The following SLU7 variants were observed in gnomAD, a reference collection of about 807,000 sequenced individuals.
SLU7 encodes the protein pre-mRNA-splicing factor SLU7.
SLU7 carries 60 observed loss-of-function variants against 87.0 expected under a neutral mutation model. The observed-to-expected ratio is 0.69, with a 90% CI of 0.56 to 0.86. The LOEUF is 0.86. SLU7 is among the 40% of genes least tolerant of loss of function. SLU7 has a pLI of 0.00. For synonymous variants in SLU7, 197 were observed against 222.0 expected (o/e 0.89, Z 1.00); for missense variants, 507 against 686.6 (o/e 0.74, Z 2.92).
intron 12 of SLU7, 50 bp downstream of exon 12, chr5:160,406,418 T>C: frequency 6.8e-7 from 1 of 1,461,106 alleles, no homozygotes; most frequent in Non-Finnish European, 9.2e-7. Context: ...AAAAATGCAA[T>C]ACAGAGCAAA....
At position 160,415,168 on chromosome 5, in the gene SLU7, G is replaced by A. The variant is rs776805730; in HGVS notation, c.127C>T (p.Arg43Ter). The A allele has an allele frequency of 5.0e-6, 8 of 1,609,728 alleles. No homozygotes were observed. The highest frequency in any genetic ancestry group is 6.8e-6 in the Non-Finnish European group (8 of 1,178,248). The change falls in exon 2 of 16, where the codon CGA (arginine) becomes TGA (stop). Residue 43 changes from arginine (R) to a stop codon, truncating the protein, a stop_gained. Transcript: ENST00000297151. LOFTEE classifies it high-confidence loss of function. ...WRKKKELEEQ[R>*]KLGNAPAEVD... is the part of the protein sequence containing the mutation. ...TCTGCAGGAGCATTGCCCAATTTTC[G>A]CTGTTCTTCTAGCTCCTTCTTCTTT...
rs1168968470 is a variant in SLU7 at position 160,403,058 on chromosome 5, T to G, written c.*227A>C. 1 of 349,308 alleles carries G rather than the reference T, an allele frequency of 2.9e-6. No individual in the cohort carries two copies. Among genetic ancestry groups the G allele is most frequent in the African/African-American group, 2.1e-5 (1 of 47,558 alleles). 21.6% of individuals were successfully genotyped at this position (349,308 alleles called of 1,614,324 possible). A position where few individuals can be genotyped will look rare whatever the true frequency, so the allele number is the denominator to read the frequency against. On this transcript the variant is annotated 3_prime_UTR_variant, in exon 16 of 16. Transcript: ENST00000297151. ...ATAAAAAAAACTGGAAATAAAATCT[T>G]AATCCAATTTTAAATTCTATTCCCA...
intron 6 of SLU7, among the ~76,000 whole-genome samples, chr5:160,410,064 C>A (rs186510487): frequency 7.7e-4 from 117 of 152,134 alleles, no homozygotes; most frequent in Admixed American, 7.5e-3. Flanking sequence ...TCCCACTGTA[C>A]TCTATGTTGT....
At chr5:160,414,504 AGG>A in intron 2 of SLU7, 32 bp from the exon 3 acceptor site, 2 of 1,427,520 alleles carry the variant, frequency 1.4e-6, no homozygotes, top group Non-Finnish European at 1.9e-6. Flanking sequence ...AAAAAATTTA[AGG>A]ATAAAATTGG....
intron 6 of SLU7, among the ~76,000 whole-genome samples, chr5:160,411,010 C>T (rs1355373574): frequency 6.6e-6 from 1 of 151,654 alleles, no homozygotes; most frequent in Non-Finnish European, 1.5e-5. Flanking sequence ...GGACTACAGG[C>T]GCCCGCCACC....
At position 160,412,494 on chromosome 5, in the gene SLU7, T is replaced by C; in HGVS notation, c.596A>G (p.Lys199Arg). Residue 199 changes from lysine (K) to arginine (R), a missense_variant, in exon 6 of 16, where the codon AAA (lysine) becomes AGA (arginine). Lys to Arg is a conservative substitution (Grantham distance 26, BLOSUM62 2). Coordinates refer to ENST00000297151, the MANE Select transcript of SLU7 (RefSeq NM_006425.5). ...DLAKRTLKAQ[K>R]LQEELASGKL... is the part of the protein sequence containing the mutation. ...TCCTGAGGCTAATTCCTCTTGGAGT[T>C]TCTGGGCTTTCAATGTTCGTTTTGC... 1 of 1,511,974 alleles carries C rather than the reference T, an allele frequency of 6.6e-7. No individual in the cohort carries two copies. Among genetic ancestry groups the C allele is most frequent in the Non-Finnish European group, 9.0e-7 (1 of 1,116,854 alleles). 93.7% of individuals were successfully genotyped at this position (1,511,974 alleles called of 1,614,324 possible). A position where few individuals can be genotyped will look rare whatever the true frequency, so the allele number is the denominator to read the frequency against.
In SLU7 at chr5:160,413,844, A is replaced by C. The variant is rs73817405; in HGVS notation, c.405+55T>G. The C allele has an allele frequency of 5.6e-3, 7,104 of 1,273,432 alleles. 309 individuals carry two copies. In the African/African-American group the frequency reaches 0.094, roughly 17 times the overall value. The allele number at this position is 1,273,432 out of a possible 1,614,324, so 78.9% of individuals were successfully genotyped here. The stretch of plus-strand genomic sequence containing the variant: ...AAAAAGAGAAGTTAGCTCTCTGACA[A>C]AGAAAAAAGAAAGACTCTGACAACG... On this transcript the variant is annotated intron_variant, in intron 4 of 15. Transcript: ENST00000297151.
At chr5:160,405,212 A>C in intron 12 of SLU7, 77 bp from the exon 13 acceptor site, 3 of 984,016 alleles carry the variant, frequency 3.0e-6, no homozygotes, top group Non-Finnish European at 4.8e-6. Flanking sequence ...TAAGAGTATA[A>C]AATAATACAG....
At chr5:160,417,083 C>G (rs1341405211) in intron 1 of SLU7, 1 of 152,192 alleles carries the variant, frequency 6.6e-6, no homozygotes, top group Non-Finnish European at 1.5e-5. Context: ...TCCCCAGCCA[C>G]GTGGAACTGT....
intron 11 of SLU7, 132 bp from the exon 12 acceptor site, chr5:160,406,761 G>T: frequency 1.3e-6 from 1 of 760,960 alleles, no homozygotes; most frequent in Non-Finnish European, 2.0e-6. Context: ...AAGCACAGTA[G>T]GAAAAAAAAA....
In SLU7 at chr5:160,415,458, A is replaced by T. The variant is rs2910190; in HGVS notation, c.-16-148T>A. 3 of 478,606 alleles carry T rather than the reference A, an allele frequency of 6.3e-6. No homozygotes were observed. The East Asian group carries it at 1.0e-4, about 16-fold the overall frequency. 29.6% of individuals were successfully genotyped at this position (478,606 alleles called of 1,614,324 possible). On this transcript the variant is annotated intron_variant, in intron 1 of 15. Transcript: ENST00000297151. The stretch of plus-strand genomic sequence containing the variant: ...AAGGAAGGGTCTCTTCCCCCTCCTC[A>T]AGGTCTCTACATACTGTTAGCACTG...
rs938996186 is a variant in SLU7, at chr5:160,413,614, T to C, written c.412A>G (p.Arg138Gly). Reference protein sequence around the residue: ...HKKKDCFERPRRVGAKFTGTN... With the variant: ...HKKKDCFERPGRVGAKFTGTN... Reference sequence around the variant, plus strand: ...CCTGTAAATTTGGCTCCAACTCGCCTAGGTCTCTAAAAACAGAGTAAGATT... The same window carrying C: ...CCTGTAAATTTGGCTCCAACTCGCCCAGGTCTCTAAAAACAGAGTAAGATT... The change falls in exon 5 of 16, where the codon AGG becomes GGG. Residue 138 changes from arginine to glycine, a missense_variant. Coordinates refer to ENST00000297151, the MANE Select transcript of SLU7 (RefSeq NM_006425.5). The C allele has an allele frequency of 5.6e-6, 9 of 1,609,236 alleles. No homozygotes were observed. Among genetic ancestry groups the C allele is most frequent in the Non-Finnish European group, 6.8e-6 (8 of 1,178,698 alleles).
At chr5:160,408,183 G>T in intron 8 of SLU7, 115 bp from the exon 9 acceptor site, 1 of 1,132,556 alleles carries the variant, frequency 8.8e-7, no homozygotes, top group East Asian at 2.4e-5. Context: ...TACATTTCTG[G>T]GGTTCAGGTG....
chr5:160,412,268 T>C (rs1267597150), intron 6 of SLU7, among the ~76,000 whole-genome samples, 183 bp downstream of exon 6: 2 of 152,160 alleles, frequency 1.3e-5, no homozygotes, highest in Admixed American at 1.3e-4. Context: ...GGCAATATTG[T>C]TCCCAAACTG....
At chr5:160,404,120 T>C (rs1764898438) in intron 15 of SLU7, among the ~76,000 whole-genome samples, 4 of 152,038 alleles carry the variant, frequency 2.6e-5, no homozygotes, top group Admixed American at 2.0e-4. Flanking sequence ...TCCCAGCACT[T>C]TGGGAGGATG....
rs1188414536 is a variant in SLU7 at position 160,414,619 on chromosome 5, A to G, written c.171-147T>C. The G allele has an allele frequency of 9.6e-6, 4 of 416,832 alleles. No homozygotes were observed. In the East Asian group the frequency reaches 1.4e-4, roughly 15 times the overall value. The allele number at this position is 416,832 out of a possible 1,614,324, so 25.8% of individuals were successfully genotyped here. A position where few individuals can be genotyped will look rare whatever the true frequency, so the allele number is the denominator to read the frequency against. ...AGAACAAGGTTGCTATCTCTATACT[A>G]TAATAAAGAATAATTAAAAATAAAG... On this transcript the variant is annotated intron_variant, in intron 2 of 15. Coordinates refer to ENST00000297151, the MANE Select transcript of SLU7 (RefSeq NM_006425.5).
chr5:160,414,694 A>G (rs1374522730), intron 2 of SLU7, among the ~76,000 whole-genome samples: 1 of 152,186 alleles, frequency 6.6e-6, no homozygotes, highest in Non-Finnish European at 1.5e-5. Context: ...AACTAAGAAT[A>G]GTGATATAAC....
At chr5:160,408,552 A>ACTTTAAATTTAC in intron 7 of SLU7, 92 bp from the exon 8 acceptor site, 1 of 1,447,816 alleles carries the variant, frequency 6.9e-7, no homozygotes. Flanking sequence ...ACCCTTATTT[A>ACTTTAAATTTAC]CTTGTGTTCT....
At chr5:160,417,039 T>C (rs951850616) in intron 1 of SLU7, 1 of 152,248 alleles carries the variant, frequency 6.6e-6, no homozygotes, top group African/African-American at 2.4e-5. Flanking sequence ...GTTGCCGCCA[T>C]GTGAGAGGTA....
Sources: gnomAD v4.1 joint callset for allele counts (sites outside exome capture counted in the v4.1 genomes callset) on GRCh38, gnomAD v4.1.1 for gene constraint, MANE v1.5 for transcripts, NCBI Gene and HGNC (gene_info 2026-07-23, HGNC 2026-07-21) for gene names.